The following EXTL2 variants were observed in gnomAD, a reference collection of about 807,000 sequenced individuals.
The protein encoded by EXTL2 is exostosin like glycosyltransferase 2, also known as exostosin-like 2.
Under a neutral mutation model 30.7 loss-of-function variants are expected in EXTL2, and 23 were observed. That is an observed-to-expected ratio of 0.75 (90% CI 0.54 to 1.06). EXTL2 has a LOEUF of 1.06. EXTL2 is among the 50% of genes least tolerant of loss of function. The probability of loss-of-function intolerance (pLI) is 0.00; values close to 1 mark genes in which losing one functional copy is unlikely to be tolerated. For synonymous variants in EXTL2, 123 were observed against 133.8 expected (o/e 0.92, Z 0.56); for missense variants, 352 against 396.3 (o/e 0.89, Z 0.95).
Position 100,888,808 on chromosome 1 carries a change from C to T in EXTL2, c.-51G>A, listed in dbSNP as rs76722689. The T allele has an allele frequency of 2.8e-3, 4,052 of 1,454,676 alleles. 88 individuals carry two copies. In the African/African-American group the frequency reaches 0.045, roughly 16 times the overall value. The allele number at this position is 1,454,676 out of a possible 1,614,324, so 90.1% of individuals were successfully genotyped here. A position where few individuals can be genotyped will look rare whatever the true frequency, so the allele number is the denominator to read the frequency against. On this transcript the variant is annotated 5_prime_UTR_variant, in exon 2 of 5. Transcript: ENST00000370114. ...ATCTCCTTATAGCTTCAGTAATTGA[C>T]AGAAGCAGGCTCACTTGTCACTATT...
At chr1:100,890,586 C>T (rs1451680748) in intron 1 of EXTL2, among the ~76,000 whole-genome samples, 1 of 152,152 alleles carries the variant, frequency 6.6e-6, no homozygotes, top group Non-Finnish European at 1.5e-5. Flanking sequence ...AAATTCAGAT[C>T]ATCTCTCTCA....
rs567106777 is a variant in EXTL2, at chr1:100,890,687, C to G, written c.-71-1859G>C. ...GCAAGAGTGACCTTTGCTGCAGTTC[C>G]CAATAAGTTCCTCATCTCCATCTGA... is the stretch of plus-strand genomic sequence containing the variant. On this transcript the variant is annotated intron_variant, in intron 1 of 4. Transcript: ENST00000370114. Among the ~76,000 whole-genome samples, 3 of 152,320 alleles carry G rather than the reference C, an allele frequency of 2.0e-5. 1 individual carries two copies.
chr1:100,878,549 A>C, intron 2 of EXTL2: 1 of 455,188 alleles, frequency 2.2e-6, no homozygotes, highest in South Asian at 1.6e-5. Context: ...TTCAAAAGAT[A>C]ATCTGGGGTA....
At chr1:100,888,596 T>C in intron 2 of EXTL2, 157 bp downstream of exon 2, 1 of 421,458 alleles carries the variant, frequency 2.4e-6, no homozygotes, top group Non-Finnish European at 4.3e-6. Flanking sequence ...AAAGTTTCAG[T>C]TTTGCAAGAT....
rs1369915317 is a variant in EXTL2 at position 100,873,167 on chromosome 1, TCA to T, written c.*773_*774del. 2.0e-5 allele frequency: 3 copies of T among 152,064 alleles called. No individual in the cohort carries two copies. Among genetic ancestry groups the T allele is most frequent in the Non-Finnish European group, 2.9e-5 (2 of 67,970 alleles). 9.4% of individuals were successfully genotyped at this position (152,064 alleles called of 1,614,324 possible). On this transcript the variant is annotated 3_prime_UTR_variant, in exon 5 of 5. Coordinates refer to ENST00000370114, the MANE Select transcript of EXTL2 (RefSeq NM_001033025.3). ...TAAGAATTAATGTACATTCTCAAGG[TCA>T]GATTCAGTGACAAAATGCACTACCC...
At chr1:100,875,230 G>A (rs1649010659) in intron 4 of EXTL2, among the ~76,000 whole-genome samples, 2 of 149,418 alleles carry the variant, frequency 1.3e-5, no homozygotes, top group East Asian at 4.0e-4. Flanking sequence ...CAGAACTAGG[G>A]ACACACACAC....
chr1:100,892,385 G>A (rs986905697), intron 1 of EXTL2, among the ~76,000 whole-genome samples: 23 of 152,160 alleles, frequency 1.5e-4, no homozygotes, highest in African/African-American at 5.5e-4. Flanking sequence ...TTCTTTGACT[G>A]TTAGACTCTT....
At chr1:100,878,013 A>G in intron 2 of EXTL2, 110 bp from the exon 3 acceptor site, 1 of 847,138 alleles carries the variant, frequency 1.2e-6, no homozygotes, top group Middle Eastern at 2.3e-4. Flanking sequence ...AGTTGATTCA[A>G]ATTCAGTTCT....
intron 2 of EXTL2, among the ~76,000 whole-genome samples, chr1:100,882,060 G>C (rs1236536244): frequency 1.3e-5 from 2 of 152,208 alleles, no homozygotes; most frequent in Admixed American, 6.5e-5. Context: ...TTTAATGCTT[G>C]ATGATCTGAG....
chr1:100,878,489 G>C (rs1649305230), intron 2 of EXTL2: 1 of 470,424 alleles, frequency 2.1e-6, no homozygotes, highest in Admixed American at 2.4e-5. Context: ...GGTGTCTGCT[G>C]TTAGTAGCAG....
At position 100,873,829 on chromosome 1, in the gene EXTL2, G is replaced by T; in HGVS notation, c.*113C>A. 9.0e-6 allele frequency: 10 copies of T among 1,114,120 alleles called. No individual in the cohort carries two copies. The highest frequency in any genetic ancestry group is 2.4e-4 in the Middle Eastern group (1 of 4,146). 69.0% of individuals were successfully genotyped at this position (1,114,120 alleles called of 1,614,324 possible). On this transcript the variant is annotated 3_prime_UTR_variant, in exon 5 of 5. Coordinates refer to ENST00000370114, the MANE Select transcript of EXTL2 (RefSeq NM_001033025.3). ...GAAGCACTGCACTTTTTTTTCTATTGTAGAGACTTCTGGAGTAGATAAAAT... is the reference window on the plus strand; with the variant it reads ...GAAGCACTGCACTTTTTTTTCTATTTTAGAGACTTCTGGAGTAGATAAAAT...
At position 100,873,573 on chromosome 1, in the gene EXTL2, G is replaced by A. The variant is rs1648855279; in HGVS notation, c.*369C>T. On this transcript the variant is annotated 3_prime_UTR_variant, in exon 5 of 5. Coordinates refer to ENST00000370114, the MANE Select transcript of EXTL2 (RefSeq NM_001033025.3). ...TTCAAATTAAAACAACTGACCTTTA[G>A]TGAAAAAGCAGAGAAATGCCTCTCT... The A allele has an allele frequency of 6.0e-6, 1 of 165,766 alleles. No individual in the cohort carries two copies. Among genetic ancestry groups the A allele is most frequent in the African/African-American group, 2.4e-5 (1 of 41,758 alleles). 10.3% of individuals were successfully genotyped at this position (165,766 alleles called of 1,614,324 possible). A position where few individuals can be genotyped will look rare whatever the true frequency, so the allele number is the denominator to read the frequency against.
Position 100,873,853 on chromosome 1 carries a change from A to T in EXTL2, c.*89T>A. ...TGTAGAGACTTCTGGAGTAGATAAA[A>T]TTCATGATGTTGCTTAAAAAAATAC... On this transcript the variant is annotated 3_prime_UTR_variant, in exon 5 of 5. Coordinates refer to ENST00000370114, the MANE Select transcript of EXTL2 (RefSeq NM_001033025.3). The T allele has an allele frequency of 7.4e-7, 1 of 1,344,320 alleles. No individual in the cohort carries two copies. Among genetic ancestry groups the T allele is most frequent in the Non-Finnish European group, 1.0e-6 (1 of 986,326 alleles). 83.3% of individuals were successfully genotyped at this position (1,344,320 alleles called of 1,614,324 possible). A position where few individuals can be genotyped will look rare whatever the true frequency, so the allele number is the denominator to read the frequency against.
chr1:100,879,542 T>C (rs1183614549), intron 2 of EXTL2, among the ~76,000 whole-genome samples: 1 of 152,200 alleles, frequency 6.6e-6, no homozygotes, highest in Non-Finnish European at 1.5e-5. Context: ...TTATTCTTGG[T>C]GACCTTAATT....
chr1:100,877,655 T>C lies in EXTL2; in HGVS notation c.254A>G (p.His85Arg). ...RTDLLLKLLNHYQAVPNLHKV... is the reference protein window; with the variant it reads ...RTDLLLKLLNRYQAVPNLHKV... ...GTGCAGATTTGGTACAGCCTGATAA[T>C]GATTTAAAAGTTTCAATAAGAGATC... The change falls in exon 3 of 5, where the codon CAT becomes CGT. Residue 85 changes from histidine to arginine, a missense_variant. Physicochemically the swap from His to Arg is conservative, Grantham distance 29. Transcript: ENST00000370114. The surrounding 1 kb of genome is among the most constrained non-coding windows in gnomAD (Gnocchi z 4.1). 6.2e-7 allele frequency: 1 copy of C among 1,613,618 alleles called. No individual in the cohort carries two copies. The highest frequency in any genetic ancestry group is 8.5e-7 in the Non-Finnish European group (1 of 1,179,690).
intron 2 of EXTL2, among the ~76,000 whole-genome samples, chr1:100,884,205 T>C (rs186029009): frequency 1.1e-3 from 173 of 152,348 alleles, no homozygotes; most frequent in African/African-American, 3.9e-3. Flanking sequence ...CTGTCATTTT[T>C]ATTTTGCTGC....
At chr1:100,882,175 G>C (rs1256230167) in intron 2 of EXTL2, among the ~76,000 whole-genome samples, 1 of 152,166 alleles carries the variant, frequency 6.6e-6, no homozygotes, top group Non-Finnish European at 1.5e-5. Flanking sequence ...ACCACTGCTG[G>C]GGACACCAAG....
At chr1:100,884,181 T>G (rs181004462) in intron 2 of EXTL2, among the ~76,000 whole-genome samples, 12 of 152,324 alleles carry the variant, frequency 7.9e-5, no homozygotes, top group Non-Finnish European at 1.8e-4. Flanking sequence ...AACGTGGTGT[T>G]GTACAATGAG....
chr1:100,880,916 C>T (rs1649502136), intron 2 of EXTL2: 31 of 945,302 alleles, frequency 3.3e-5, no homozygotes, highest in Non-Finnish European at 3.9e-5. Context: ...ATTACTATAG[C>T]TTACTATAAA....
Sources: allele counts gnomAD v4.1 joint callset (sites outside exome capture counted in the v4.1 genomes callset), GRCh38; gene constraint gnomAD v4.1.1; non-coding constraint Gnocchi (gnomAD v3.1); transcripts MANE v1.5; gene names NCBI Gene and HGNC (gene_info 2026-07-23, HGNC 2026-07-21).